KPNA1: variants seen among roughly 807,000 people sequenced by gnomAD.
KPNA1 encodes the protein karyopherin subunit alpha 1, also known as importin subunit alpha-5.
KPNA1 carries 10 observed loss-of-function variants against 70.5 expected under a neutral mutation model. The observed-to-expected ratio is 0.14, with a 90% CI of 0.09 to 0.24. The LOEUF (loss-of-function observed/expected upper bound fraction) is 0.24. Ranked by LOEUF, KPNA1 falls within the 10% of genes least tolerant of loss-of-function variation. The probability of loss-of-function intolerance (pLI) is 1.00; values close to 1 mark genes in which losing one functional copy is unlikely to be tolerated. For missense variants in KPNA1, 397 were observed against 637.9 expected (o/e 0.62, Z 4.07); for synonymous variants, 192 against 221.9 (o/e 0.87, Z 1.20).
intron 5 of KPNA1, among the ~76,000 whole-genome samples, chr3:122,456,709 T>C (rs2076268687): frequency 6.6e-6 from 1 of 152,192 alleles, no homozygotes; most frequent in African/African-American, 2.4e-5. Flanking sequence ...AATTATTACA[T>C]CTTAGCAAAA....
chr3:122,471,079 T>A (rs1411301793), intron 2 of KPNA1, among the ~76,000 whole-genome samples: 1 of 152,174 alleles, frequency 6.6e-6, no homozygotes, highest in Non-Finnish European at 1.5e-5. Flanking sequence ...TACCTGCAAC[T>A]TGTCACACAG....
rs527920288 is a variant in KPNA1, at chr3:122,461,461, T to C, written c.338-143A>G. ...ACCTAAAACAAATGAAATGTCAAAT[T>C]GGGTTTATCACTTTGAGGACAGGGT... On this transcript the variant is annotated intron_variant, in intron 4 of 13. Coordinates refer to ENST00000344337, the MANE Select transcript of KPNA1 (RefSeq NM_002264.4). The C allele has an allele frequency of 1.6e-4, 92 of 584,152 alleles. No individual in the cohort carries two copies. In the African/African-American group the frequency reaches 1.7e-3, roughly 11 times the overall value. The allele number at this position is 584,152 out of a possible 1,614,324, so 36.2% of individuals were successfully genotyped here.
chr3:122,428,298 G>C (rs1324686653), intron 12 of KPNA1, among the ~76,000 whole-genome samples: 2 of 152,146 alleles, frequency 1.3e-5, no homozygotes, highest in African/African-American at 4.8e-5. Flanking sequence ...ACAGTAAATA[G>C]TCATGTCATT....
At chr3:122,492,993 TATAAC>T (rs1289074169) in intron 2 of KPNA1, among the ~76,000 whole-genome samples, 16 of 152,226 alleles carry the variant, frequency 1.1e-4, no homozygotes, top group African/African-American at 3.9e-4. Flanking sequence ...ATTGTGTAAC[TATAAC>T]ATATCAGAAA....
intron 2 of KPNA1, 85 bp downstream of exon 2, chr3:122,496,352 C>CA: frequency 1.3e-6 from 1 of 763,194 alleles, no homozygotes; most frequent in East Asian, 5.0e-5. Context: ...ACACACACCC[C>CA]AACTTTGCTA....
At chr3:122,460,747 A>G (rs999302699) in intron 5 of KPNA1, 8 of 857,924 alleles carry the variant, frequency 9.3e-6, no homozygotes, top group African/African-American at 3.6e-5. Context: ...TGACACAGCA[A>G]TAAGTACACA....
At chr3:122,475,182 A>G (rs2076483611) in intron 2 of KPNA1, among the ~76,000 whole-genome samples, 1 of 152,234 alleles carries the variant, frequency 6.6e-6, no homozygotes, top group African/African-American at 2.4e-5. Context: ...ATCAATAAAC[A>G]AAAACGTGTA....
chr3:122,502,304 C>A (rs2076837980), intron 1 of KPNA1, among the ~76,000 whole-genome samples: 1 of 152,182 alleles, frequency 6.6e-6, no homozygotes, highest in Admixed American at 6.5e-5. Flanking sequence ...CCCTAACCAC[C>A]AGTGTGACTT....
intron 5 of KPNA1, among the ~76,000 whole-genome samples, chr3:122,456,242 G>C (rs2076263603): frequency 6.6e-6 from 1 of 152,158 alleles, no homozygotes; most frequent in South Asian, 2.1e-4. Context: ...TTGTAAACCA[G>C]AGTCATATGA....
intron 9 of KPNA1, among the ~76,000 whole-genome samples, chr3:122,448,303 T>C (rs545810116): frequency 4.6e-5 from 7 of 152,346 alleles, no homozygotes; most frequent in Admixed American, 1.3e-4. Context: ...TCCATGTTTA[T>C]TGCGGCACTA....
At position 122,433,755 on chromosome 3, in the gene KPNA1, T is replaced by C; in HGVS notation, c.1156A>G (p.Ile386Val). The change falls in exon 12 of 14, where the codon ATT (isoleucine) becomes GTT (valine). Residue 386 changes from isoleucine to valine, a missense_variant. By Grantham distance (29) the Ile-to-Val change is conservative. Coordinates refer to ENST00000344337, the MANE Select transcript of KPNA1 (RefSeq NM_002264.4). ...AATTCAGCAGTTTGTAAAATACTAA[T>C]GAGGGCTGGGAAAATGTTGGCATCT... ...VIDANIFPAL[I>V]SILQTAEFRT... 1.2e-6 allele frequency: 2 copies of C among 1,612,638 alleles called. No individual in the cohort carries two copies. The highest frequency in any genetic ancestry group is 1.7e-6 in the Non-Finnish European group (2 of 1,179,422).
chr3:122,499,276 T>C (rs866782508), intron 1 of KPNA1, among the ~76,000 whole-genome samples: 5 of 152,236 alleles, frequency 3.3e-5, no homozygotes, highest in African/African-American at 9.6e-5. Context: ...GACCTTAGAA[T>C]GAAAGCAGTC....
chr3:122,453,996 T>G lies in KPNA1; in HGVS notation c.438A>C (p.Glu146Asp). The change falls in exon 6 of 14, where the codon GAA (glutamate) becomes GAC (aspartate). Residue 146 changes from glutamate to aspartate, a missense_variant. Transcript: ENST00000344337. ...CAATATTTGTCAGTACCCAAGCTGA[T>G]TCAAACTATAAAGATAAAAATAATT... is the stretch of plus-strand genomic sequence containing the variant. Reference protein sequence around the residue: ...KRKENCTLQFESAWVLTNIAS... With the variant: ...KRKENCTLQFDSAWVLTNIAS... 6.3e-7 allele frequency: 1 copy of G among 1,593,406 alleles called. No homozygotes were observed. The highest frequency in any genetic ancestry group is 8.6e-7 in the Non-Finnish European group (1 of 1,168,258).
intron 2 of KPNA1, among the ~76,000 whole-genome samples, chr3:122,477,403 T>C (rs1483602552): frequency 2.0e-5 from 3 of 152,132 alleles, no homozygotes; most frequent in Non-Finnish European, 4.4e-5. Flanking sequence ...TTGAAGACTG[T>C]TAAGACAACA....
intron 1 of KPNA1, among the ~76,000 whole-genome samples, chr3:122,504,636 CTGTG>C (rs915158070): frequency 6.6e-6 from 1 of 151,974 alleles, no homozygotes; most frequent in Admixed American, 6.6e-5. Context: ...AAGAAACTGT[CTGTG>C]TGTGTGTGCG....
intron 12 of KPNA1, among the ~76,000 whole-genome samples, chr3:122,428,392 C>T (rs995185087): frequency 3.3e-5 from 5 of 152,134 alleles, no homozygotes; most frequent in Non-Finnish European, 7.4e-5. Context: ...TTGGTAAGGT[C>T]ATTTTGAAAC....
intron 5 of KPNA1, among the ~76,000 whole-genome samples, chr3:122,456,610 A>C (rs915209880): frequency 2.0e-5 from 3 of 152,228 alleles, no homozygotes; most frequent in Non-Finnish European, 4.4e-5. Flanking sequence ...AAGTTAATAA[A>C]ATAGAGAAGC....
chr3:122,492,440 T>C (rs909544502), intron 2 of KPNA1, among the ~76,000 whole-genome samples: 1 of 152,196 alleles, frequency 6.6e-6, no homozygotes, highest in Admixed American at 6.5e-5. Flanking sequence ...AAATGAAATT[T>C]TAAAAATTTC....
intron 2 of KPNA1, among the ~76,000 whole-genome samples, chr3:122,490,078 T>C (rs993643487): frequency 2.6e-5 from 4 of 152,260 alleles, no homozygotes; most frequent in African/African-American, 7.2e-5. Context: ...TAAAATGATA[T>C]TTTCTCTAAC....
Sources: allele counts gnomAD v4.1 joint callset (sites outside exome capture counted in the v4.1 genomes callset), GRCh38; gene constraint gnomAD v4.1.1; transcripts MANE v1.5; gene names NCBI Gene and HGNC (gene_info 2026-07-23, HGNC 2026-07-21).